Variants in METTL22 observed in about 807,000 individuals in gnomAD.
METTL22 encodes methyltransferase 22, Kin17 lysine.
A neutral mutation model predicts 48.4 loss-of-function variants in METTL22; 51 were observed. That is an observed-to-expected ratio of 1.05 (90% CI 0.84 to 1.33). The LOEUF is 1.33. Ranked by LOEUF, METTL22 falls within the 40% of genes most tolerant of loss-of-function variation. METTL22 has a pLI of 0.00. For synonymous variants in METTL22, 255 were observed against 214.1 expected (o/e 1.19, Z -1.67); for missense variants, 678 against 526.9 (o/e 1.29, Z -2.81).
At chr16:8,642,033 T>A in intron 7 of METTL22, 94 bp from the exon 8 acceptor site, 3 of 973,012 alleles carry the variant, frequency 3.1e-6, no homozygotes, top group Non-Finnish European at 3.3e-6. Flanking sequence ...CAGCCCTGTT[T>A]CTTCTCTTGA....
rs564874368 is a variant in METTL22 at position 8,626,234 on chromosome 16, C to G, written c.133+436C>G. 4.6e-5 allele frequency among the ~76,000 whole-genome samples: 7 copies of G among 152,276 alleles called. No individual in the cohort carries two copies. The South Asian group carries it at 1.4e-3, about 32-fold the overall frequency. On this transcript the variant is annotated intron_variant, in intron 2 of 10. Transcript: ENST00000381920. ...GAACTCCAGGCCTGAAGCAACCCTC[C>G]CACCTTAGCCTCTTGAGTCCCTGGG...
chr16:8,642,859 C>T, intron 9 of METTL22: 1 of 458,920 alleles, frequency 2.2e-6, no homozygotes, highest in Admixed American at 3.4e-5. Context: ...GACTTGAATG[C>T]AGACTGTACT....
At chr16:8,651,386 C>CAAGAAAAAAA (rs2056894425), downstream of METTL22, among the ~76,000 whole-genome samples, 1 of 49,068 alleles carries the variant, frequency 2.0e-5, no homozygotes, top group African/African-American at 8.2e-5. Flanking sequence ...GACTCTGTCT[C>CAAGAAAAAAA]AAAAAAAAAA....
the METTL22 span, among the ~76,000 whole-genome samples, chr16:8,657,871 C>T: frequency 1.4e-5 from 2 of 147,962 alleles, no homozygotes; most frequent in South Asian, 4.3e-4. Context: ...GGCTGGAGTT[C>T]AGTGGTGTGA....
At chr16:8,663,006 G>A in the METTL22 span, among the ~76,000 whole-genome samples, 114,323 of 138,742 alleles carry the variant, frequency 0.82, 48,497 homozygotes, top group East Asian at 0.94. Flanking sequence ...TCAGGAGTTC[G>A]AGACCAGCCT....
intron 3 of METTL22, chr16:8,631,451 C>T (rs528099747): frequency 2.6e-5 from 4 of 152,318 alleles, no homozygotes. Context: ...GTCGCTTAGC[C>T]TCTCTGAGTT....
At chr16:8,649,764 A>G (rs1490373111), downstream of METTL22, 1 of 152,138 alleles carries the variant, frequency 6.6e-6, no homozygotes, top group Non-Finnish European at 1.5e-5. Flanking sequence ...AGACTGCGCC[A>G]TTGCACTCTA....
At chr16:8,641,974 A>T in intron 7 of METTL22, 153 bp from the exon 8 acceptor site, 1 of 655,786 alleles carries the variant, frequency 1.5e-6, no homozygotes, top group Non-Finnish European at 2.8e-6. Flanking sequence ...GTGGGCCTGA[A>T]GCAGGGAGTC....
intron 6 of METTL22, 57 bp from the exon 7 acceptor site, chr16:8,641,073 CT>C (rs1216034693): frequency 2.6e-6 from 4 of 1,537,196 alleles, no homozygotes; most frequent in Non-Finnish European, 1.8e-6. Flanking sequence ...AAAAGTTTAT[CT>C]TTTTTTCCTG....
Position 8,625,566 on chromosome 16 carries a change from T to C in METTL22, c.-100T>C. 1 of 1,227,780 alleles carries C rather than the reference T, an allele frequency of 8.1e-7. No individual in the cohort carries two copies. Among genetic ancestry groups the C allele is most frequent in the Non-Finnish European group, 1.1e-6 (1 of 879,150 alleles). 76.1% of individuals were successfully genotyped at this position (1,227,780 alleles called of 1,614,324 possible). On this transcript the variant is annotated 5_prime_UTR_variant, in exon 2 of 11. Coordinates refer to ENST00000381920, the MANE Select transcript of METTL22 (RefSeq NM_024109.4). ...CGATGCAAAGCTACTCGCTACCAGC[T>C]TGGACCTGTCTGCAGTATCTCCTCT...
intron 6 of METTL22, among the ~76,000 whole-genome samples, chr16:8,640,719 G>A (rs1299527695): frequency 3.5e-5 from 1 of 28,498 alleles, no homozygotes; most frequent in Non-Finnish European, 6.6e-5. Flanking sequence ...GATGGGTGGG[G>A]GGGTGGGTGG....
At chr16:8,629,723 C>T (rs11866914) in intron 3 of METTL22, among the ~76,000 whole-genome samples, 1 of 151,998 alleles carries the variant, frequency 6.6e-6, no homozygotes, top group East Asian at 1.9e-4. Flanking sequence ...GGAACTGCTA[C>T]CCAGGTATGG....
Position 8,646,936 on chromosome 16 carries a change from T to C in METTL22, c.*793T>C. The C allele has an allele frequency of 8.6e-6, 3 of 350,610 alleles. No individual in the cohort carries two copies. The highest frequency in any genetic ancestry group is 1.7e-5 in the Non-Finnish European group (3 of 178,020). 21.7% of individuals were successfully genotyped at this position (350,610 alleles called of 1,614,324 possible). A position where few individuals can be genotyped will look rare whatever the true frequency, so the allele number is the denominator to read the frequency against. ...CTCTCCTCCCATCTCCACCCCTTCC[T>C]GTCATCCTCTATGTCCCACTGTCTC... On this transcript the variant is annotated 3_prime_UTR_variant, in exon 11 of 11. Coordinates refer to ENST00000381920, the MANE Select transcript of METTL22 (RefSeq NM_024109.4).
At chr16:8,652,615 T>C (rs1257389357), downstream of METTL22, among the ~76,000 whole-genome samples, 9 of 151,144 alleles carry the variant, frequency 6.0e-5, no homozygotes, top group East Asian at 1.6e-3. Context: ...GCCAGGAGTT[T>C]GAGACCAGCC....
At chr16:8,624,555 A>G (rs1025162471) in intron 1 of METTL22, among the ~76,000 whole-genome samples, 4 of 151,744 alleles carry the variant, frequency 2.6e-5, no homozygotes, top group East Asian at 1.9e-4. Flanking sequence ...AATTCCACTC[A>G]TCTTTTTAAA....
downstream of METTL22, among the ~76,000 whole-genome samples, chr16:8,653,074 G>A (rs2056921960): frequency 6.6e-6 from 1 of 152,202 alleles, no homozygotes; most frequent in South Asian, 2.1e-4. Context: ...CGGTGGTGCT[G>A]CTGATATTGG....
the METTL22 span, among the ~76,000 whole-genome samples, chr16:8,664,694 C>T: frequency 6.6e-6 from 1 of 151,972 alleles, no homozygotes; most frequent in Non-Finnish European, 1.5e-5. Flanking sequence ...CTCCTGGGCT[C>T]AAGTGATCTT....
At position 8,642,543 on chromosome 16, in the gene METTL22, G is replaced by T; in HGVS notation, c.988G>T (p.Ala330Ser). ...LAHRLKNACT[A>S]ILSVEKRLNF... ...CCACAGATTGAAAAATGCCTGCACAGCCATACTGTCGGTGGAGAAGAGGTG... is the reference window on the plus strand; with the variant it reads ...CCACAGATTGAAAAATGCCTGCACATCCATACTGTCGGTGGAGAAGAGGTG... The change falls in exon 9 of 11, where the codon GCC (alanine) becomes TCC (serine). Residue 330 changes from alanine to serine, a missense_variant. Coordinates refer to ENST00000381920, the MANE Select transcript of METTL22 (RefSeq NM_024109.4). 2 of 1,614,236 alleles carry T rather than the reference G, an allele frequency of 1.2e-6. No homozygotes were observed. The highest frequency in any genetic ancestry group is 1.7e-6 in the Non-Finnish European group (2 of 1,180,048).
the METTL22 span, among the ~76,000 whole-genome samples, chr16:8,659,517 G>A: frequency 1.3e-4 from 20 of 152,176 alleles, no homozygotes; most frequent in Admixed American, 9.2e-4. Flanking sequence ...AGGGAGCCAG[G>A]CATTACACCT....
Sources: gnomAD v4.1 joint callset for allele counts (sites outside exome capture counted in the v4.1 genomes callset) on GRCh38, gnomAD v4.1.1 for gene constraint, MANE v1.5 for transcripts, NCBI Gene and HGNC (gene_info 2026-07-23, HGNC 2026-07-21) for gene names.